The following ZNF827 variants were observed in gnomAD, a reference collection of about 807,000 sequenced individuals.
ZNF827 encodes zinc finger protein 827.
A neutral mutation model predicts 102.4 loss-of-function variants in ZNF827; 13 were observed. That is an observed-to-expected ratio of 0.13 (90% CI 0.08 to 0.20). ZNF827 has a LOEUF of 0.20. Among genes scored for constraint, ZNF827 ranks in the 10% least tolerant of loss-of-function variants. ZNF827 has a pLI of 1.00. For synonymous variants in ZNF827, 523 were observed against 536.2 expected, an observed-to-expected ratio of 0.98 and a Z score of 0.34; for missense variants, 1,103 against 1,344.4, an observed-to-expected ratio of 0.82 and a Z score of 2.81.
At chr4:145,825,816 G>A (rs567596618) in intron 7 of ZNF827, among the ~76,000 whole-genome samples, 8 of 152,246 alleles carry the variant, frequency 5.3e-5, no homozygotes, top group African/African-American at 1.7e-4. Context: ...GACAATCACC[G>A]AGGGAAACAA....
chr4:145,926,140 C>T (rs1390634663), intron 1 of ZNF827, among the ~76,000 whole-genome samples: 1 of 152,162 alleles, frequency 6.6e-6, no homozygotes, highest in African/African-American at 2.4e-5. Context: ...ATTCCCAATC[C>T]CTGACACACT....
intron 8 of ZNF827, among the ~76,000 whole-genome samples, chr4:145,807,788 A>AC (rs1553988739): frequency 1.3e-5 from 2 of 149,518 alleles, no homozygotes; most frequent in African/African-American, 5.0e-5. Context: ...AAAAAAAAAC[A>AC]AAAAACAAAA....
At chr4:145,854,442 A>G (rs937884226) in intron 5 of ZNF827, among the ~76,000 whole-genome samples, 4 of 152,018 alleles carry the variant, frequency 2.6e-5, no homozygotes, top group Non-Finnish European at 4.4e-5. Context: ...AGAGATAGAG[A>G]GGGAATAGTC....
chr4:145,933,415 A>T (rs1174135149), intron 1 of ZNF827, among the ~76,000 whole-genome samples: 7 of 152,226 alleles, frequency 4.6e-5, no homozygotes, highest in Non-Finnish European at 7.3e-5. Flanking sequence ...AATTAATAAA[A>T]GTAAATAAGA....
intron 4 of ZNF827, among the ~76,000 whole-genome samples, chr4:145,880,464 T>G (rs1466305243): frequency 6.6e-6 from 1 of 152,242 alleles, no homozygotes; most frequent in Non-Finnish European, 1.5e-5. Flanking sequence ...ACTGTGTGTG[T>G]AAGCAATCCA....
At chr4:145,922,962 A>C (rs566966492) in intron 1 of ZNF827, among the ~76,000 whole-genome samples, 1 of 152,336 alleles carries the variant, frequency 6.6e-6, no homozygotes, top group South Asian at 2.1e-4. Context: ...CACCTTTCAG[A>C]TAACATCAGT....
At chr4:145,887,297 T>C (rs1750198957) in intron 3 of ZNF827, among the ~76,000 whole-genome samples, 1 of 152,084 alleles carries the variant, frequency 6.6e-6, no homozygotes, top group African/African-American at 2.4e-5. Context: ...CTGCACCACC[T>C]GGCCCCTCTC....
Position 145,762,951 on chromosome 4 carries a change from C to T in ZNF827, c.*17+139G>A. The T allele has an allele frequency of 2.6e-6, 2 of 755,612 alleles. No homozygotes were observed. Among genetic ancestry groups the T allele is most frequent in the Non-Finnish European group, 4.2e-6 (2 of 473,296 alleles). 46.8% of individuals were successfully genotyped at this position (755,612 alleles called of 1,614,324 possible). ...CAGCAGAGCCCAACACAACCAAGTG[C>T]ACCGTGCACGGCCTCCTCAGCGCCA... On this transcript the variant is annotated intron_variant, in intron 14 of 14. Transcript: ENST00000508784. The surrounding 1 kb of genome is among the most constrained non-coding windows in gnomAD (Gnocchi z 4.9).
intron 9 of ZNF827, among the ~76,000 whole-genome samples, chr4:145,777,799 A>G (rs1737342991): frequency 6.6e-6 from 1 of 152,132 alleles, no homozygotes; most frequent in Admixed American, 6.5e-5. Flanking sequence ...GTTTACCTCT[A>G]TAAATTTTCC....
rs1201492904 is a variant in ZNF827 at position 145,902,828 on chromosome 4, A to C, written c.431T>G (p.Val144Gly). The C allele has an allele frequency of 6.2e-7, 1 of 1,613,890 alleles. No homozygotes were observed. Among genetic ancestry groups the C allele is most frequent in the East Asian group, 2.2e-5 (1 of 44,858 alleles). Residue 144 changes from valine (V) to glycine (G), a missense_variant, in exon 2 of 15, where the codon GTG becomes GGG. Physicochemically the swap from Val to Gly is moderately radical, Grantham distance 109. This residue lies in a region of ZNF827 where 441 missense variants were observed against 458.6 expected (regional missense o/e 0.96). Transcript: ENST00000508784. This position sits in a 1 kb window ranked among gnomAD's most constrained non-coding sequence, Gnocchi z 4.3. Reference sequence around the variant, plus strand: ...CGAGCCAACGTTTACGGGGGACTCCACTCTGCCATTAGCCGTGGCTGCAGC... The same window carrying C: ...CGAGCCAACGTTTACGGGGGACTCCCCTCTGCCATTAGCCGTGGCTGCAGC... ...LDAAATANGR[V>G]ESPVNVGSNL...
intron 2 of ZNF827, among the ~76,000 whole-genome samples, chr4:145,899,812 A>G (rs1394312018): frequency 6.6e-6 from 1 of 152,208 alleles, no homozygotes; most frequent in African/African-American, 2.4e-5. Context: ...CTTAGGTACA[A>G]GTCAATCAGC....
At chr4:145,808,397 G>A (rs1741695150) in intron 8 of ZNF827, among the ~76,000 whole-genome samples, 1 of 151,888 alleles carries the variant, frequency 6.6e-6, no homozygotes, top group Non-Finnish European at 1.5e-5. Flanking sequence ...CCTTTCCCAG[G>A]ACCCTCCCCC....
chr4:145,836,826 C>T (rs1369259434), intron 7 of ZNF827, among the ~76,000 whole-genome samples: 4 of 152,016 alleles, frequency 2.6e-5, no homozygotes, highest in African/African-American at 9.7e-5. Flanking sequence ...CCTCTCATTT[C>T]CTTTCCATCG....
intron 6 of ZNF827, among the ~76,000 whole-genome samples, chr4:145,846,492 AC>A (rs1442740188): frequency 1.7e-4 from 24 of 143,072 alleles, no homozygotes; most frequent in African/African-American, 2.7e-4. Flanking sequence ...AAACAAACAA[AC>A]AAAAAAACAC....
In ZNF827 at chr4:145,761,523, C is replaced by A; in HGVS notation, c.*93G>T. On this transcript the variant is annotated 3_prime_UTR_variant, in exon 15 of 15. Coordinates refer to ENST00000508784, the MANE Select transcript of ZNF827 (RefSeq NM_001306215.2). This position sits in a 1 kb window ranked among gnomAD's most constrained non-coding sequence, Gnocchi z 6.8. ...CCGTCTGGCAGATCCGGCACTTGTACTCCATCTTGTAGTGGGTCTTGAGGT... is the reference window on the plus strand; with the variant it reads ...CCGTCTGGCAGATCCGGCACTTGTAATCCATCTTGTAGTGGGTCTTGAGGT... 7.8e-7 allele frequency: 1 copy of A among 1,289,634 alleles called. No homozygotes were observed. Among genetic ancestry groups the A allele is most frequent in the South Asian group, 1.2e-5 (1 of 80,994 alleles). The allele number at this position is 1,289,634 out of a possible 1,614,324, so 79.9% of individuals were successfully genotyped here. A position where few individuals can be genotyped will look rare whatever the true frequency, so the allele number is the denominator to read the frequency against.
At chr4:145,892,546 A>T in intron 2 of ZNF827, 131 bp from the exon 3 acceptor site, 1 of 996,468 alleles carries the variant, frequency 1.0e-6, no homozygotes, top group Non-Finnish European at 1.4e-6. Context: ...CAATTCCGAG[A>T]TTTTATCCAT....
chr4:145,871,419 C>T (rs1748669598), intron 4 of ZNF827, among the ~76,000 whole-genome samples: 2 of 152,190 alleles, frequency 1.3e-5, no homozygotes, highest in Non-Finnish European at 2.9e-5. Context: ...GGCTCAGCCA[C>T]ACTGTACCAG....
At chr4:145,932,824 ACC>A (rs1753909953) in intron 1 of ZNF827, among the ~76,000 whole-genome samples, 2 of 152,142 alleles carry the variant, frequency 1.3e-5, no homozygotes, top group Admixed American at 6.5e-5. Context: ...TCGTCACTCC[ACC>A]AACACACTTT....
chr4:145,824,928 C>T (rs561237361), intron 7 of ZNF827, among the ~76,000 whole-genome samples: 2 of 152,358 alleles, frequency 1.3e-5, no homozygotes, highest in South Asian at 2.1e-4. Flanking sequence ...TTTTACATGA[C>T]TGTGTTAGGC....
Sources: allele counts gnomAD v4.1 joint callset (sites outside exome capture counted in the v4.1 genomes callset), GRCh38; gene constraint gnomAD v4.1.1; regional missense constraint gnomAD v4.1.1; non-coding constraint Gnocchi (gnomAD v3.1); transcripts MANE v1.5; gene names NCBI Gene and HGNC (gene_info 2026-07-23, HGNC 2026-07-21).